Variants in PFKP observed in about 807,000 individuals in gnomAD.
PFKP encodes the protein phosphofructokinase, platelet, also known as ATP-dependent 6-phosphofructokinase, platelet type.
Under a neutral mutation model 94.3 loss-of-function variants are expected in PFKP, and 101 were observed. That is an observed-to-expected ratio of 1.07 (90% confidence interval 0.91 to 1.26). PFKP has a LOEUF of 1.26. Ranked by LOEUF, PFKP falls within the 50% of genes most tolerant of loss-of-function variation. The pLI, the probability that PFKP is intolerant of heterozygous loss-of-function variation, is 0.00. For missense variants in PFKP, 1,145 were observed against 1,103.3 expected, an observed-to-expected ratio of 1.04 and a Z score of -0.53; for synonymous variants, 573 against 432.6, an observed-to-expected ratio of 1.32 and a Z score of -4.03.
At chr10:3,099,254 G>T (rs1834757109) in intron 2 of PFKP, 21 bp from the exon 3 acceptor site, 1 of 1,589,620 alleles carries the variant, frequency 6.3e-7, no homozygotes. Flanking sequence ...ATTTTTAAAA[G>T]ATTCTCCCTT....
intron 1 of PFKP, among the ~76,000 whole-genome samples, chr10:3,072,681 C>G (rs1245453606): frequency 1.3e-5 from 2 of 151,934 alleles, no homozygotes; most frequent in Non-Finnish European, 2.9e-5. Context: ...AGCATGTTTT[C>G]CCCCTTGGTT....
At chr10:3,081,248 G>A (rs1833051761) in intron 1 of PFKP, among the ~76,000 whole-genome samples, 1 of 152,134 alleles carries the variant, frequency 6.6e-6, no homozygotes, top group South Asian at 2.1e-4. Flanking sequence ...CGCTGACCTG[G>A]CCCAATGTAA....
intron 13 of PFKP, among the ~76,000 whole-genome samples, chr10:3,114,845 G>A (rs569449150): frequency 6.6e-6 from 1 of 152,368 alleles, no homozygotes; most frequent in East Asian, 1.9e-4. Context: ...TTTATGTTAT[G>A]TGAGATTCGA....
At chr10:3,130,571 C>CAT (rs1838462939) in intron 17 of PFKP, among the ~76,000 whole-genome samples, 1 of 152,090 alleles carries the variant, frequency 6.6e-6, no homozygotes, top group African/African-American at 2.4e-5. Context: ...GAACAATTGT[C>CAT]TTTATTTAGA....
intron 1 of PFKP, among the ~76,000 whole-genome samples, chr10:3,082,010 A>T (rs1450092407): frequency 4.1e-5 from 2 of 48,908 alleles, no homozygotes; most frequent in African/African-American, 1.0e-4. Context: ...TTTTTTTTTT[A>T]CAGTGGTAGT....
Position 3,118,875 on chromosome 10 carries a change from T to C in PFKP, c.1530+6T>C. 1 of 1,608,310 alleles carries C rather than the reference T, an allele frequency of 6.2e-7. No homozygotes were observed. The highest frequency in any genetic ancestry group is 8.5e-7 in the Non-Finnish European group (1 of 1,175,304). ...TGATCATCGGTGGATTCGAGGTACGTTACCGTTTCTCTCTTGCCGGTCTTG... is the reference window on the plus strand; with the variant it reads ...TGATCATCGGTGGATTCGAGGTACGCTACCGTTTCTCTCTTGCCGGTCTTG... On this transcript the variant is annotated splice_donor_region_variant and intron_variant, in intron 15 of 21. Transcript: ENST00000381125.
chr10:3,082,483 CCT>C, intron 2 of PFKP, 22 bp downstream of exon 2: 3 of 1,576,004 alleles, frequency 1.9e-6, no homozygotes, highest in African/African-American at 1.4e-5. Context: ...CCCCTCACCC[CCT>C]GTCGCCCTTC....
chr10:3,128,278 T>TAACC (rs1390587063), intron 16 of PFKP, among the ~76,000 whole-genome samples: 1 of 152,172 alleles, frequency 6.6e-6, no homozygotes, highest in Non-Finnish European at 1.5e-5. Context: ...CCAAGTCAAA[T>TAACC]AACCACAAGG....
intron 14 of PFKP, among the ~76,000 whole-genome samples, chr10:3,118,291 AC>A (rs1837030139): frequency 6.6e-6 from 1 of 151,956 alleles, no homozygotes; most frequent in Non-Finnish European, 1.5e-5. Flanking sequence ...ACATGGTGAA[AC>A]CCTGTCTCTA....
At chr10:3,067,734 G>T in intron 1 of PFKP, 27 bp downstream of exon 1, 2 of 1,284,550 alleles carry the variant, frequency 1.6e-6, no homozygotes, top group Non-Finnish European at 2.1e-6. Context: ...CGGCGGCGAG[G>T]GAGGGACGGA....
chr10:3,127,787 G>T (rs925999826), intron 16 of PFKP, among the ~76,000 whole-genome samples: 6 of 152,160 alleles, frequency 3.9e-5, no homozygotes, highest in African/African-American at 1.4e-4. Context: ...ATGCAAAGTG[G>T]CCCGCTAACT....
chr10:3,097,084 AC>A lies in PFKP; in HGVS notation c.187-2190del, dbSNP rs1277810566. ...CACAGCGAGACTCCGTCTCAAAAAA[AC>A]AAAAAACAAAAAAACCTGGGAGTTT... On this transcript the variant is annotated intron_variant, in intron 2 of 21. Coordinates refer to ENST00000381125, the MANE Select transcript of PFKP (RefSeq NM_002627.5). 4.0e-4 allele frequency among the ~76,000 whole-genome samples: 34 copies of A among 84,456 alleles called. 1 individual carries two copies. Among genetic ancestry groups the A allele is most frequent in the African/African-American group, 5.6e-4 (13 of 23,422 alleles). The allele number at this position is 84,456 out of a possible 152,430, so 55.4% of individuals were successfully genotyped here. A position where few individuals can be genotyped will look rare whatever the true frequency, so the allele number is the denominator to read the frequency against.
chr10:3,129,460 A>G (rs1445308739), intron 16 of PFKP: 1 of 226,506 alleles, frequency 4.4e-6, no homozygotes, highest in Admixed American at 5.1e-5. Flanking sequence ...GTGTCCGGTG[A>G]AAGCGGCTTC....
intron 16 of PFKP, among the ~76,000 whole-genome samples, chr10:3,126,853 C>G (rs4881100): frequency 1.3e-5 from 2 of 152,280 alleles, no homozygotes; most frequent in East Asian, 1.9e-4. Context: ...ATCGCCTCTG[C>G]GTCCTTGCAG....
At chr10:3,098,302 G>A (rs186542970) in intron 2 of PFKP, among the ~76,000 whole-genome samples, 11 of 152,272 alleles carry the variant, frequency 7.2e-5, no homozygotes, top group Admixed American at 1.3e-4. Context: ...TTATGTAGAT[G>A]AAGTTACCCG....
chr10:3,119,945 C>A lies in PFKP; in HGVS notation c.1584C>A (p.Phe528Leu). ...CCGCCCGGGAGAAGCACGAGGAGTT[C>A]TGTGTCCCCATGGTCATGGTTCCCG... ...LSAAREKHEEFCVPMVMVPAT... is the reference protein window; with the variant it reads ...LSAAREKHEELCVPMVMVPAT... The change falls in exon 16 of 22, where the codon TTC becomes TTA. Residue 528 changes from phenylalanine (F) to leucine (L), a missense_variant. Transcript: ENST00000381125. 6.2e-7 allele frequency: 1 copy of A among 1,614,154 alleles called. No homozygotes were observed. Among genetic ancestry groups the A allele is most frequent in the Non-Finnish European group, 8.5e-7 (1 of 1,180,002 alleles).
intron 3 of PFKP, chr10:3,101,044 C>T (rs536803740): frequency 1.5e-4 from 221 of 1,490,048 alleles, no homozygotes; most frequent in African/African-American, 2.5e-4. Flanking sequence ...TGGTTGAGCT[C>T]GTTGGCCGGT....
chr10:3,089,615 T>C (rs1306978384), intron 2 of PFKP, among the ~76,000 whole-genome samples: 1 of 151,434 alleles, frequency 6.6e-6, no homozygotes, highest in African/African-American at 2.4e-5. Context: ...ATTTTACTCT[T>C]TTAGTTATTT....
At chr10:3,077,016 G>A (rs993924139) in intron 1 of PFKP, among the ~76,000 whole-genome samples, 3 of 152,140 alleles carry the variant, frequency 2.0e-5, no homozygotes, top group Non-Finnish European at 2.9e-5. Context: ...AGATCAGCGC[G>A]GTGTAAGCTC....
Sources: allele counts gnomAD v4.1 joint callset (sites outside exome capture counted in the v4.1 genomes callset), GRCh38; gene constraint gnomAD v4.1.1; transcripts MANE v1.5; gene names NCBI Gene and HGNC (gene_info 2026-07-23, HGNC 2026-07-21).